Variants in RPS6KC1 observed in about 807,000 individuals in gnomAD.
RPS6KC1 encodes ribosomal protein S6 kinase C1, also known as inactive ribosomal protein S6 kinase delta-1.
Under a neutral mutation model 103.8 loss-of-function variants are expected in RPS6KC1, and 54 were observed. The ratio of observed to expected loss-of-function variants is 0.52; its 90% CI spans 0.42 to 0.65. The LOEUF (loss-of-function observed/expected upper bound fraction) is 0.65. Among genes scored for constraint, RPS6KC1 ranks in the 30% least tolerant of loss-of-function variants. The pLI, the probability that RPS6KC1 is intolerant of heterozygous loss-of-function variation, is 0.00. For missense variants in RPS6KC1, 1,151 were observed against 1,253.8 expected, an observed-to-expected ratio of 0.92 and a Z score of 1.24; for synonymous variants, 439 against 438.7, an observed-to-expected ratio of 1.00 and a Z score of -0.01.
chr1:213,814,314 AG>A, the RPS6KC1 span, among the ~76,000 whole-genome samples: 1 of 152,246 alleles, frequency 6.6e-6, no homozygotes, highest in African/African-American at 2.4e-5. Context: ...CAACGGGAGC[AG>A]TAAACCTCTT....
chr1:213,529,652 C>T, the RPS6KC1 span, among the ~76,000 whole-genome samples: 1 of 152,088 alleles, frequency 6.6e-6, no homozygotes, highest in Non-Finnish European at 1.5e-5. Context: ...AAATTGAGCT[C>T]GCATAACTTA....
chr1:213,672,737 C>T, the RPS6KC1 span, among the ~76,000 whole-genome samples: 1 of 152,156 alleles, frequency 6.6e-6, no homozygotes. Flanking sequence ...CCAGAGCTTT[C>T]CCCTGAGCTT....
the RPS6KC1 span, among the ~76,000 whole-genome samples, chr1:213,410,392 G>A: frequency 6.6e-6 from 1 of 152,170 alleles, no homozygotes; most frequent in African/African-American, 2.4e-5. Context: ...GTCAGTGATG[G>A]GGAGGAAGCT....
At chr1:213,117,836 A>G (rs917162074) in intron 5 of RPS6KC1, among the ~76,000 whole-genome samples, 3 of 151,526 alleles carry the variant, frequency 2.0e-5, no homozygotes, top group Admixed American at 2.0e-4. Context: ...CAGCCGAGCC[A>G]ACGTGGTGAA....
chr1:213,538,181 G>A, the RPS6KC1 span, among the ~76,000 whole-genome samples: 22 of 152,188 alleles, frequency 1.4e-4, no homozygotes, highest in Admixed American at 2.6e-4. Context: ...AGGTTTGGTG[G>A]GCCAATAAAT....
chr1:213,210,637 ATTGTGTTC>A (rs905438461), intron 8 of RPS6KC1, among the ~76,000 whole-genome samples: 1 of 152,276 alleles, frequency 6.6e-6, no homozygotes, highest in African/African-American at 2.4e-5. Context: ...ACATGAACAC[ATTGTGTTC>A]TTATACTCAA....
At chr1:213,722,144 T>C in the RPS6KC1 span, among the ~76,000 whole-genome samples, 2 of 152,100 alleles carry the variant, frequency 1.3e-5, no homozygotes, top group African/African-American at 4.8e-5. Flanking sequence ...TCCATAGTGG[T>C]ACCCTCTAAC....
chr1:213,733,972 G>C, the RPS6KC1 span, among the ~76,000 whole-genome samples: 1 of 152,150 alleles, frequency 6.6e-6, no homozygotes, highest in Non-Finnish European at 1.5e-5. Flanking sequence ...AATGTTTGAG[G>C]CCTTAAAATA....
At chr1:213,492,444 C>T in the RPS6KC1 span, 1 of 152,208 alleles carries the variant, frequency 6.6e-6, no homozygotes, top group African/African-American at 2.4e-5. Context: ...TATAGAGGCT[C>T]CTGTTTGTTC....
At chr1:213,602,132 TTC>T in the RPS6KC1 span, among the ~76,000 whole-genome samples, 1 of 66,058 alleles carries the variant, frequency 1.5e-5, no homozygotes, top group African/African-American at 6.5e-5. Context: ...CTTTCTTTCT[TTC>T]TTTCTTTCTT....
the RPS6KC1 span, among the ~76,000 whole-genome samples, chr1:213,718,377 T>C: frequency 6.6e-6 from 1 of 152,226 alleles, no homozygotes; most frequent in Non-Finnish European, 1.5e-5. Context: ...ATTATTATCC[T>C]CCTTTACAGA....
the RPS6KC1 span, among the ~76,000 whole-genome samples, chr1:213,803,595 G>A: frequency 1.1e-4 from 16 of 152,208 alleles, no homozygotes; most frequent in Admixed American, 3.9e-4. Flanking sequence ...GAGCTTCTGC[G>A]TTTCAGAGTG....
the RPS6KC1 span, among the ~76,000 whole-genome samples, chr1:213,633,955 A>AC: frequency 6.7e-6 from 1 of 149,964 alleles, no homozygotes; most frequent in East Asian, 2.0e-4. Flanking sequence ...CAGACTTTAA[A>AC]CCAACAAAGA....
chr1:213,635,426 G>T, the RPS6KC1 span, among the ~76,000 whole-genome samples: 35 of 152,270 alleles, frequency 2.3e-4, no homozygotes, highest in South Asian at 2.1e-4. Flanking sequence ...TATCCACCAC[G>T]ATCAAGTTGG....
the RPS6KC1 span, among the ~76,000 whole-genome samples, chr1:213,774,279 G>A: frequency 3.3e-4 from 51 of 152,260 alleles, no homozygotes; most frequent in Admixed American, 2.0e-3. Flanking sequence ...GAGAGTTTAG[G>A]GCTGAAGGTA....
chr1:213,782,292 T>C, the RPS6KC1 span, among the ~76,000 whole-genome samples: 1 of 152,120 alleles, frequency 6.6e-6, no homozygotes, highest in Non-Finnish European at 1.5e-5. Context: ...TTTGTTCACA[T>C]TCCCATGAGC....
chr1:213,664,457 G>A, the RPS6KC1 span, among the ~76,000 whole-genome samples: 7 of 152,280 alleles, frequency 4.6e-5, no homozygotes, highest in East Asian at 3.9e-4. Context: ...ATGAAAGAGC[G>A]TTAATGTCTC....
the RPS6KC1 span, among the ~76,000 whole-genome samples, chr1:213,364,907 G>A: frequency 1.3e-5 from 2 of 151,992 alleles, no homozygotes; most frequent in African/African-American, 2.4e-5. Flanking sequence ...GCAGTAAGCC[G>A]AGATCGCACC....
At chr1:213,297,496 G>A in the RPS6KC1 span, among the ~76,000 whole-genome samples, 1 of 152,194 alleles carries the variant, frequency 6.6e-6, no homozygotes, top group African/African-American at 2.4e-5. Flanking sequence ...TTAGGATAAA[G>A]TCAATGCAAA....
Sources: allele counts gnomAD v4.1 joint callset (sites outside exome capture counted in the v4.1 genomes callset), GRCh38; gene constraint gnomAD v4.1.1; transcripts MANE v1.5; gene names NCBI Gene and HGNC (gene_info 2026-07-23, HGNC 2026-07-21).